The following EPM2A variants were observed in gnomAD, a reference collection of about 807,000 sequenced individuals.
EPM2A encodes laforin.
Under a neutral mutation model 26.5 loss-of-function variants are expected in EPM2A, and 21 were observed. That is an observed-to-expected ratio of 0.79 (90% CI 0.56 to 1.14). The LOEUF (loss-of-function observed/expected upper bound fraction) is 1.14. Ranked by LOEUF, EPM2A falls within the 50% of genes most tolerant of loss-of-function variation. EPM2A has a pLI of 0.00. For synonymous variants in EPM2A, 217 were observed against 177.6 expected (o/e 1.22, Z -1.76); for missense variants, 458 against 440.8 (o/e 1.04, Z -0.35).
chr6:145,552,113 T>G (rs995641770), intron 2 of EPM2A, among the ~76,000 whole-genome samples: 1 of 151,662 alleles, frequency 6.6e-6, no homozygotes, highest in Non-Finnish European at 1.5e-5. Context: ...AGAGAGAAGA[T>G]AGCGACAAGG....
chr6:145,716,722 G>A (rs973041291), intron 1 of EPM2A, among the ~76,000 whole-genome samples: 1 of 152,040 alleles, frequency 6.6e-6, no homozygotes, highest in Non-Finnish European at 1.5e-5. Flanking sequence ...CACCCAGGGA[G>A]CCCCACCACA....
intron 2 of EPM2A, among the ~76,000 whole-genome samples, chr6:145,582,756 T>C (rs1008782606): frequency 2.0e-5 from 3 of 152,214 alleles, no homozygotes; most frequent in African/African-American, 7.2e-5. Flanking sequence ...TTTTCCAAGT[T>C]GCTTGTTTTC....
Position 145,735,509 on chromosome 6 carries a change from G to T in EPM2A, c.-11C>A. The T allele has an allele frequency of 8.4e-7, 1 of 1,185,174 alleles. No individual in the cohort carries two copies. The highest frequency in any genetic ancestry group is 4.0e-5 in the South Asian group (1 of 24,858). The allele number at this position is 1,185,174 out of a possible 1,614,324, so 73.4% of individuals were successfully genotyped here. A position where few individuals can be genotyped will look rare whatever the true frequency, so the allele number is the denominator to read the frequency against. ...AAAGCGGAAGCGCATGGCGGGCGGC[G>T]GCGGCGCGAATACCCGGGCCCGGAG... On this transcript the variant is annotated 5_prime_UTR_variant, in exon 1 of 4. Coordinates refer to ENST00000367519, the MANE Select transcript of EPM2A (RefSeq NM_005670.4).
intron 4 of EPM2A, among the ~76,000 whole-genome samples, chr6:145,461,375 T>A (rs1779327430): frequency 6.6e-6 from 1 of 152,136 alleles, no homozygotes; most frequent in African/African-American, 2.4e-5. Context: ...TTTTCACATT[T>A]GGGGAGCAGT....
In EPM2A at chr6:145,506,472, A is replaced by C. The variant is rs532899469; in HGVS notation, c.341-3897T>G. ...AAAATAAAACACCTAAAAGTCTAAA[A>C]GCACAGGAAAGGCAAGGTAAATTAT... On this transcript the variant is annotated intron_variant, in intron 2 of 3. Coordinates refer to the EPM2A transcript ENST00000450221. Among the ~76,000 whole-genome samples the C allele has an allele frequency of 7.2e-5, 11 of 152,204 alleles. No homozygotes were observed. In the East Asian group the frequency reaches 2.1e-3, roughly 29 times the overall value.
intron 2 of EPM2A, chr6:145,639,306 ACACT>A (rs1776913213): frequency 6.6e-6 from 1 of 152,198 alleles, no homozygotes; most frequent in Non-Finnish European, 1.5e-5. Flanking sequence ...CAGGGTATTG[ACACT>A]CAGTCAGCTC....
At chr6:145,695,170 G>A (rs1781501042) in intron 1 of EPM2A, among the ~76,000 whole-genome samples, 1 of 151,936 alleles carries the variant, frequency 6.6e-6, no homozygotes. Context: ...AATGTGGTAG[G>A]GAGGAGTAAA....
At chr6:145,443,632 C>T (rs113546675) in intron 4 of EPM2A, among the ~76,000 whole-genome samples, 12 of 152,138 alleles carry the variant, frequency 7.9e-5, no homozygotes, top group Admixed American at 3.3e-4. Context: ...CCTTTGGGGC[C>T]GAGACTATGG....
At chr6:145,682,714 T>G (rs1780633708) in intron 2 of EPM2A, 1 of 152,164 alleles carries the variant, frequency 6.6e-6, no homozygotes, top group Non-Finnish European at 1.5e-5. Flanking sequence ...ACCATTTATC[T>G]TATTATATAA....
intron 2 of EPM2A, among the ~76,000 whole-genome samples, chr6:145,510,702 CA>C (rs965793162): frequency 4.0e-5 from 6 of 151,518 alleles, no homozygotes; most frequent in African/African-American, 7.3e-5. Flanking sequence ...CAAAAACAAA[CA>C]AAAAAATAAA....
At chr6:145,448,678 C>G (rs1779155433) in intron 4 of EPM2A, among the ~76,000 whole-genome samples, 1 of 152,288 alleles carries the variant, frequency 6.6e-6, no homozygotes, top group Non-Finnish European at 1.5e-5. Context: ...GCCAACTTCT[C>G]TATCACTAAC....
At chr6:145,413,328 A>G (rs138814423) in intron 4 of EPM2A, among the ~76,000 whole-genome samples, 190 of 152,324 alleles carry the variant, frequency 1.2e-3, no homozygotes, top group African/African-American at 4.3e-3. Flanking sequence ...AGCATTCACA[A>G]GGGCCATTAA....
At chr6:145,734,932 A>AG in intron 1 of EPM2A, 1 of 249,178 alleles carries the variant, frequency 4.0e-6, no homozygotes. Context: ...TCAGAGGGGC[A>AG]GGCAACAGAG....
intron 2 of EPM2A, among the ~76,000 whole-genome samples, chr6:145,673,201 TA>T (rs1779775482): frequency 6.6e-6 from 1 of 152,138 alleles, no homozygotes; most frequent in Non-Finnish European, 1.5e-5. Flanking sequence ...ATAATATTTT[TA>T]AAAAACTCAA....
rs74858282 is a variant in EPM2A at position 145,470,200 on chromosome 6, A to G, written c.555+32322T>C. Among the ~76,000 whole-genome samples the G allele has an allele frequency of 2.2e-3, 330 of 152,304 alleles. 4 individuals carry two copies. The highest frequency in any genetic ancestry group is 7.7e-3 in the African/African-American group (320 of 41,584). ...TGGAATGTTTGTAACATCATAAAATAGTATATGTTTGAGGTGATGGATATC... is the reference window on the plus strand; with the variant it reads ...TGGAATGTTTGTAACATCATAAAATGGTATATGTTTGAGGTGATGGATATC... On this transcript the variant is annotated intron_variant, in intron 4 of 4. Coordinates refer to the EPM2A transcript ENST00000638717.
chr6:145,441,561 T>C (rs1779063566), intron 4 of EPM2A, among the ~76,000 whole-genome samples: 1 of 152,108 alleles, frequency 6.6e-6, no homozygotes, highest in Non-Finnish European at 1.5e-5. Flanking sequence ...ATGCTCTGTT[T>C]CCCTTTTAAA....
At chr6:145,554,180 A>G (rs1459968987) in intron 2 of EPM2A, among the ~76,000 whole-genome samples, 2 of 151,960 alleles carry the variant, frequency 1.3e-5, no homozygotes, top group Non-Finnish European at 2.9e-5. Flanking sequence ...TAGGGGAAAT[A>G]AAAACATCCC....
At chr6:145,708,039 G>A (rs1386036408) in intron 1 of EPM2A, among the ~76,000 whole-genome samples, 1 of 152,186 alleles carries the variant, frequency 6.6e-6, no homozygotes, top group African/African-American at 2.4e-5. Flanking sequence ...TTGTGAACTG[G>A]AGTAAAGGTC....
intron 2 of EPM2A, among the ~76,000 whole-genome samples, chr6:145,579,632 T>C (rs1781085244): frequency 6.6e-6 from 1 of 152,198 alleles, no homozygotes; most frequent in Admixed American, 6.5e-5. Flanking sequence ...CAAAATTGGG[T>C]TTGACAATAT....
Sources: allele counts gnomAD v4.1 joint callset (sites outside exome capture counted in the v4.1 genomes callset), GRCh38; gene constraint gnomAD v4.1.1; transcripts MANE v1.5; gene names NCBI Gene and HGNC (gene_info 2026-07-23, HGNC 2026-07-21).